Variants in P2RX4 observed in about 807,000 individuals in gnomAD.
P2RX4 encodes the protein P2X purinoceptor 4.
Under a neutral mutation model 48.0 loss-of-function variants are expected in P2RX4, and 37 were observed. The ratio of observed to expected loss-of-function variants is 0.77; its 90% CI spans 0.59 to 1.01. P2RX4 has a LOEUF of 1.01. P2RX4 is among the 50% of genes least tolerant of loss of function. The pLI, the probability that P2RX4 is intolerant of heterozygous loss-of-function variation, is 0.00. For synonymous variants in P2RX4, 200 were observed against 199.7 expected (o/e 1.00, Z -0.01); for missense variants, 501 against 521.4 (o/e 0.96, Z 0.38).
At chr12:121,211,432 G>A (rs1885839243) in intron 1 of P2RX4, among the ~76,000 whole-genome samples, 1 of 152,120 alleles carries the variant, frequency 6.6e-6, no homozygotes, top group South Asian at 2.1e-4. Context: ...CAGGTGATCC[G>A]CCCACCTCAG....
At chr12:121,224,293 A>C (rs1455624389) in intron 5 of P2RX4, among the ~76,000 whole-genome samples, 1 of 152,154 alleles carries the variant, frequency 6.6e-6, no homozygotes, top group African/African-American at 2.4e-5. Flanking sequence ...TGTTTGCTAC[A>C]GTGTATTTTA....
At position 121,232,989 on chromosome 12, in the gene P2RX4, A is replaced by G. The variant is rs2071272; in HGVS notation, c.1045-8A>G. Reference sequence around the variant, plus strand: ...TCCTGGCTCACTCTCACCCTATGCTAAACTCAGGCGACCGTGCTGTGTGAC... The same window carrying G: ...TCCTGGCTCACTCTCACCCTATGCTGAACTCAGGCGACCGTGCTGTGTGAC... On this transcript the variant is annotated splice_polypyrimidine_tract_variant and splice_region_variant and intron_variant, in intron 10 of 11. Coordinates refer to ENST00000337233, the MANE Select transcript of P2RX4 (RefSeq NM_002560.3). The surrounding 1 kb of genome is among the most constrained non-coding windows in gnomAD (Gnocchi z 4.3). 87,395 of 1,604,656 alleles carry G rather than the reference A, an allele frequency of 0.054. 2,962 individuals are homozygous for G. Among genetic ancestry groups the G allele is most frequent in the South Asian group, 0.11 (10,356 of 90,898 alleles).
At chr12:121,212,841 G>A (rs1484262506) in intron 1 of P2RX4, 1 of 9,582 alleles carries the variant, frequency 1.0e-4, no homozygotes, top group African/African-American at 5.2e-4. Context: ...TTTTTTTTTT[G>A]GAGACTCACT....
chr12:121,219,642 T>C lies in P2RX4; in HGVS notation c.283-2271T>C, dbSNP rs927120700. On this transcript the variant is annotated intron_variant, in intron 2 of 11. Transcript: ENST00000337233. ...ATAGATAGATAGATAGATAGATAGA[T>C]AGATAGATAGATAGATGGAAAGAAA... 3.8e-5 allele frequency among the ~76,000 whole-genome samples: 4 copies of C among 105,672 alleles called. No homozygotes were observed. In the East Asian group the frequency reaches 8.0e-4, roughly 21 times the overall value. 69.3% of individuals were successfully genotyped at this position (105,672 alleles called of 152,430 possible).
chr12:121,232,570 C>A lies in P2RX4; in HGVS notation c.979-41C>A. 1 of 1,605,350 alleles carries A rather than the reference C, an allele frequency of 6.2e-7. No individual in the cohort carries two copies. Among genetic ancestry groups the A allele is most frequent in the Non-Finnish European group, 8.5e-7 (1 of 1,171,940 alleles). On this transcript the variant is annotated intron_variant, in intron 9 of 11. Transcript: ENST00000337233. This position sits in a 1 kb window ranked among gnomAD's most constrained non-coding sequence, Gnocchi z 4.3. Reference sequence around the variant, plus strand: ...GCAGGGACAAGGGGCCTCTCCCTGCCCCTGCAGAAACACTTTTTTTCTTTT... The same window carrying A: ...GCAGGGACAAGGGGCCTCTCCCTGCACCTGCAGAAACACTTTTTTTCTTTT...
In P2RX4 at chr12:121,232,776, A is replaced by G. The variant is rs1887454645; in HGVS notation, c.1044+100A>G. 6.5e-6 allele frequency: 7 copies of G among 1,073,860 alleles called. No homozygotes were observed. In the Admixed American group the frequency reaches 1.0e-4, roughly 16 times the overall value. 66.5% of individuals were successfully genotyped at this position (1,073,860 alleles called of 1,614,324 possible). A position where few individuals can be genotyped will look rare whatever the true frequency, so the allele number is the denominator to read the frequency against. On this transcript the variant is annotated intron_variant, in intron 10 of 11. Coordinates refer to ENST00000337233, the MANE Select transcript of P2RX4 (RefSeq NM_002560.3). This position sits in a 1 kb window ranked among gnomAD's most constrained non-coding sequence, Gnocchi z 4.3. ...GGCCCTAGACCTCAGATGTGTTTCT[A>G]AACTTGACCCTCCTACCTTCTTTCC...
chr12:121,218,176 A>T (rs1420774308), intron 2 of P2RX4, among the ~76,000 whole-genome samples: 1 of 151,986 alleles, frequency 6.6e-6, no homozygotes, highest in Non-Finnish European at 1.5e-5. Flanking sequence ...GAGGAGACCG[A>T]GCTAATGAGC....
chr12:121,225,060 T>C (rs1886893154), intron 5 of P2RX4, among the ~76,000 whole-genome samples: 1 of 151,140 alleles, frequency 6.6e-6, no homozygotes, highest in East Asian at 1.9e-4. Flanking sequence ...AGTGCACTTA[T>C]CATCAAATTG....
intron 1 of P2RX4, chr12:121,212,911 C>T (rs1885983160): frequency 7.0e-6 from 1 of 142,620 alleles, no homozygotes; most frequent in Admixed American, 7.4e-5. Context: ...GGGGCAGGAG[C>T]TCCCCTGCAG....
At chr12:121,231,576 T>C (rs1030350308) in intron 8 of P2RX4, among the ~76,000 whole-genome samples, 5 of 152,182 alleles carry the variant, frequency 3.3e-5, no homozygotes, top group African/African-American at 1.2e-4. Context: ...CTTAGCCTGA[T>C]GTTTTCAAGC....
chr12:121,217,788 G>GAAAAAAAAAA (rs1886332922), intron 2 of P2RX4, among the ~76,000 whole-genome samples: 1 of 116,692 alleles, frequency 8.6e-6, no homozygotes, highest in Non-Finnish European at 1.8e-5. Flanking sequence ...GAAAAAAAAA[G>GAAAAAAAAAA]AAAAGAATTA....
chr12:121,220,643 T>C (rs1351176562), intron 2 of P2RX4, among the ~76,000 whole-genome samples: 1 of 151,942 alleles, frequency 6.6e-6, no homozygotes, highest in Non-Finnish European at 1.5e-5. Context: ...CTCAAATAAA[T>C]AAATAAATAA....
intron 1 of P2RX4, among the ~76,000 whole-genome samples, chr12:121,211,088 C>G (rs963712134): frequency 1.3e-5 from 2 of 152,198 alleles, no homozygotes; most frequent in Non-Finnish European, 2.9e-5. Context: ...TTTTGTGGTA[C>G]CTGCCCTAGC....
At chr12:121,217,350 T>G in intron 2 of P2RX4, 69 bp downstream of exon 2, 1 of 1,518,852 alleles carries the variant, frequency 6.6e-7, no homozygotes, top group Non-Finnish European at 9.1e-7. Flanking sequence ...CACACTTGAT[T>G]AATGATTGAC....
At chr12:121,217,985 A>G (rs986167824) in intron 2 of P2RX4, among the ~76,000 whole-genome samples, 1 of 152,136 alleles carries the variant, frequency 6.6e-6, no homozygotes, top group African/African-American at 2.4e-5. Context: ...CCACACAGTC[A>G]AACCCGACAT....
rs778635181 is a variant in P2RX4 at position 121,223,036 on chromosome 12, G to T, written c.517G>T (p.Val173Leu). ...AWCPVEDDTH[V>L]PQPAFLKAAE... Reference sequence around the variant, plus strand: ...GTGCCCGGTGGAGGATGACACACACGTGCCACAGTGAGTCCAGCCCTAGGG... The same window carrying T: ...GTGCCCGGTGGAGGATGACACACACTTGCCACAGTGAGTCCAGCCCTAGGG... The change falls in exon 5 of 12, where the codon GTG becomes TTG. Residue 173 changes from valine (V) to leucine (L), a missense_variant. Val to Leu is a conservative substitution (Grantham distance 32). Coordinates refer to ENST00000337233, the MANE Select transcript of P2RX4 (RefSeq NM_002560.3). The T allele has an allele frequency of 1.9e-6, 3 of 1,599,400 alleles. No individual in the cohort carries two copies. Among genetic ancestry groups the T allele is most frequent in the Non-Finnish European group, 1.7e-6 (2 of 1,166,604 alleles).
In P2RX4 at chr12:121,212,147, G is replaced by A. The variant is rs572088411; in HGVS notation, c.134+1849G>A. Among the ~76,000 whole-genome samples, 4 of 152,362 alleles carry A rather than the reference G, an allele frequency of 2.6e-5. No homozygotes were observed. In the South Asian group the frequency reaches 6.2e-4, roughly 24 times the overall value. On this transcript the variant is annotated intron_variant, in intron 1 of 11. Coordinates refer to ENST00000337233, the MANE Select transcript of P2RX4 (RefSeq NM_002560.3). Reference sequence around the variant, plus strand: ...TAACAGATCCCCCCGTCTTTGGGGTGAGGTTTGGAATCTTAACACTGCCCA... The same window carrying A: ...TAACAGATCCCCCCGTCTTTGGGGTAAGGTTTGGAATCTTAACACTGCCCA...
chr12:121,228,385 A>T (rs61065519), intron 5 of P2RX4, 148 bp from the exon 6 acceptor site: 11,110 of 119,542 alleles, frequency 0.093, 603 homozygotes, highest in East Asian at 0.17. Context: ...AAAAAAAAAA[A>T]ATATATATAT....
At chr12:121,221,830 G>T in intron 2 of P2RX4, 83 bp from the exon 3 acceptor site, 2 of 1,143,340 alleles carry the variant, frequency 1.7e-6, no homozygotes, top group East Asian at 2.3e-5. Flanking sequence ...TGTTTGAGTT[G>T]TCCTCTTCAG....
Sources: gnomAD v4.1 joint callset for allele counts (sites outside exome capture counted in the v4.1 genomes callset) on GRCh38, gnomAD v4.1.1 for gene constraint, Gnocchi (gnomAD v3.1) non-coding constraint, MANE v1.5 for transcripts, NCBI Gene and HGNC (gene_info 2026-07-23, HGNC 2026-07-21) for gene names.